Variants in CDH13 observed in about 807,000 individuals in gnomAD.
CDH13 encodes cadherin-13.
A neutral mutation model predicts 63.8 loss-of-function variants in CDH13; 24 were observed. The observed-to-expected ratio is 0.38, with a 90% confidence interval of 0.27 to 0.53. The LOEUF is 0.53. Among genes scored for constraint, CDH13 ranks in the 20% least tolerant of loss-of-function variants. The pLI is 0.85. For synonymous variants in CDH13, 503 were observed against 355.3 expected, an observed-to-expected ratio of 1.42 and a Z score of -4.67; for missense variants, 1,049 against 903.1, an observed-to-expected ratio of 1.16 and a Z score of -2.07.
intron 5 of CDH13, among the ~76,000 whole-genome samples, chr16:83,339,055 G>A (rs902590165): frequency 2.0e-5 from 3 of 152,298 alleles, no homozygotes; most frequent in South Asian, 4.1e-4. Flanking sequence ...CCCACAGGGC[G>A]CCTTGCACAG....
At chr16:83,328,767 T>TG (rs2090423269) in intron 5 of CDH13, among the ~76,000 whole-genome samples, 1 of 152,102 alleles carries the variant, frequency 6.6e-6, no homozygotes, top group South Asian at 2.1e-4. Context: ...ACTCAGGCAT[T>TG]GTACCAACAT....
At chr16:82,835,933 C>T (rs1225175312) in intron 1 of CDH13, among the ~76,000 whole-genome samples, 1 of 152,182 alleles carries the variant, frequency 6.6e-6, no homozygotes, top group Admixed American at 6.5e-5. Flanking sequence ...GCTCCAGGCT[C>T]TTGAGGCTCC....
intron 10 of CDH13, among the ~76,000 whole-genome samples, chr16:83,726,702 G>C (rs1292157549): frequency 3.3e-5 from 5 of 152,262 alleles, no homozygotes; most frequent in Admixed American, 2.0e-4. Context: ...GCCGAGCGTG[G>C]AGGCGGGCCC....
intron 5 of CDH13, among the ~76,000 whole-genome samples, chr16:83,277,985 G>C (rs1256281945): frequency 6.6e-6 from 1 of 152,112 alleles, no homozygotes; most frequent in African/African-American, 2.4e-5. Flanking sequence ...TTGATCCCAT[G>C]TCAACTTAAT....
intron 5 of CDH13, among the ~76,000 whole-genome samples, chr16:83,272,452 A>C (rs1392941572): frequency 6.6e-6 from 1 of 152,226 alleles, no homozygotes; most frequent in Admixed American, 6.5e-5. Flanking sequence ...AGCACTTACT[A>C]CTTAATACCA....
At chr16:83,345,147 G>A in intron 6 of CDH13, 141 bp downstream of exon 6, 3 of 930,344 alleles carry the variant, frequency 3.2e-6, no homozygotes, top group South Asian at 2.2e-5. Flanking sequence ...CTGCGTAGAA[G>A]CCAGGTTGGA....
chr16:83,542,821 A>T (rs2075318643), intron 7 of CDH13, among the ~76,000 whole-genome samples: 1 of 152,162 alleles, frequency 6.6e-6, no homozygotes, highest in African/African-American at 2.4e-5. Flanking sequence ...TTTTATAAGA[A>T]CACCAATCAT....
intron 1 of CDH13, among the ~76,000 whole-genome samples, chr16:82,745,996 C>A (rs995797641): frequency 1.3e-5 from 2 of 151,908 alleles, no homozygotes; most frequent in Non-Finnish European, 2.9e-5. Flanking sequence ...AAAATATATC[C>A]ATTCACAAGT....
intron 6 of CDH13, among the ~76,000 whole-genome samples, chr16:83,473,667 A>G (rs1011497535): frequency 6.6e-6 from 1 of 152,146 alleles, no homozygotes; most frequent in Admixed American, 6.5e-5. Context: ...CTCAATAGCC[A>G]CTCTGTAGGG....
chr16:82,861,206 C>T (rs1338225561), intron 2 of CDH13, among the ~76,000 whole-genome samples: 1 of 152,170 alleles, frequency 6.6e-6, no homozygotes, highest in East Asian at 1.9e-4. Flanking sequence ...CAGTGTTGTA[C>T]ACAGTGAGAA....
chr16:83,612,664 ATTAG>A (rs1908957409), intron 8 of CDH13, among the ~76,000 whole-genome samples: 1 of 152,030 alleles, frequency 6.6e-6, no homozygotes, highest in Middle Eastern at 3.4e-3. Flanking sequence ...CTAATAACTT[ATTAG>A]TTATACTTCA....
chr16:82,943,111 C>T (rs761543895), intron 2 of CDH13, among the ~76,000 whole-genome samples: 1 of 152,166 alleles, frequency 6.6e-6, no homozygotes, highest in Non-Finnish European at 1.5e-5. Context: ...GAATCGTATA[C>T]ATTTAATTAT....
chr16:83,309,745 C>T (rs2089959982), intron 5 of CDH13, among the ~76,000 whole-genome samples: 1 of 152,192 alleles, frequency 6.6e-6, no homozygotes, highest in African/African-American at 2.4e-5. Context: ...TGGAAGCACT[C>T]ATGAGGACAT....
At chr16:82,900,025 C>T (rs2041409930) in intron 2 of CDH13, among the ~76,000 whole-genome samples, 1 of 152,182 alleles carries the variant, frequency 6.6e-6, no homozygotes, top group African/African-American at 2.4e-5. Context: ...TCCCCTGCCC[C>T]ATCTTGATTG....
At chr16:83,663,871 A>T (rs1438981022) in intron 8 of CDH13, among the ~76,000 whole-genome samples, 1 of 152,114 alleles carries the variant, frequency 6.6e-6, no homozygotes, top group African/African-American at 2.4e-5. Flanking sequence ...AGATAAAGAG[A>T]GGAGAAGGCT....
chr16:83,139,380 C>T (rs909179509), intron 4 of CDH13, among the ~76,000 whole-genome samples: 3 of 152,188 alleles, frequency 2.0e-5, no homozygotes, highest in Non-Finnish European at 4.4e-5. Flanking sequence ...TGTGTAACAG[C>T]TGTGTTCACT....
At chr16:82,837,937 C>G (rs2038838562) in intron 1 of CDH13, among the ~76,000 whole-genome samples, 1 of 152,248 alleles carries the variant, frequency 6.6e-6, no homozygotes, top group Non-Finnish European at 1.5e-5. Flanking sequence ...GCAGGCCTTT[C>G]CAACATTGCA....
chr16:83,005,380 C>T (rs1004430733), intron 2 of CDH13, among the ~76,000 whole-genome samples: 7 of 152,172 alleles, frequency 4.6e-5, no homozygotes, highest in Admixed American at 3.3e-4. Flanking sequence ...CAGTTCCTTA[C>T]CTCCTGTAAC....
intron 1 of CDH13, among the ~76,000 whole-genome samples, chr16:82,629,405 A>G (rs561769773): frequency 2.0e-5 from 3 of 152,354 alleles, no homozygotes; most frequent in South Asian, 4.2e-4. Context: ...CCTCACAGAG[A>G]AATCATTTTG....
Sources: allele counts gnomAD v4.1 joint callset (sites outside exome capture counted in the v4.1 genomes callset), GRCh38; gene constraint gnomAD v4.1.1; transcripts MANE v1.5; gene names NCBI Gene and HGNC (gene_info 2026-07-23, HGNC 2026-07-21).